The following ARID1A variants were observed in gnomAD, a reference collection of about 807,000 sequenced individuals.
The protein encoded by ARID1A is AT-rich interaction domain 1A, also known as AT-rich interactive domain-containing protein 1A.
Under a neutral mutation model 212.6 loss-of-function variants are expected in ARID1A, and 20 were observed. That is an observed-to-expected ratio of 0.09 (90% CI 0.07 to 0.14). The LOEUF (loss-of-function observed/expected upper bound fraction) is 0.14, where lower values mean the gene tolerates loss of function less well. Ranked by LOEUF, ARID1A falls within the 10% of genes least tolerant of loss-of-function variation. The pLI is 1.00. For missense variants in ARID1A, 2,587 were observed against 3,059.0 expected, an observed-to-expected ratio of 0.85 and a Z score of 3.64; for synonymous variants, 1,376 against 1,222.1, an observed-to-expected ratio of 1.13 and a Z score of -2.63.
chr1:26,760,117 T>C (rs1395013457), intron 4 of ARID1A, among the ~76,000 whole-genome samples: 2 of 152,238 alleles, frequency 1.3e-5, no homozygotes, highest in Admixed American at 1.3e-4. Context: ...TTGTAAAGTT[T>C]TGCTATTAGA....
Position 26,697,521 on chromosome 1 carries a change from C to G in ARID1A, c.1118C>G (p.Pro373Arg), listed in dbSNP as rs757699140. ...GGGAGCAGCGGCGGCGGGGGGCAGCCGCTCGCCCGGACCCCTCAGGTACAC... is the reference window on the plus strand; with the variant it reads ...GGGAGCAGCGGCGGCGGGGGGCAGCGGCTCGCCCGGACCCCTCAGGTACAC... Reference protein sequence around the residue: ...SPGSSGGGGQPLARTPQPSSP... With the variant: ...SPGSSGGGGQRLARTPQPSSP... The change falls in exon 1 of 20, where the codon CCG (proline) becomes CGG (arginine). Residue 373 changes from proline (P) to arginine (R), a missense_variant. By Grantham distance (103) the Pro-to-Arg change is moderately radical. This residue lies in a region of ARID1A where 735 missense variants were observed against 590.6 expected (regional missense o/e 1.24). Transcript: ENST00000324856. 7.1e-7 allele frequency: 1 copy of G among 1,400,156 alleles called. No homozygotes were observed. The highest frequency in any genetic ancestry group is 9.2e-7 in the Non-Finnish European group (1 of 1,084,802). The allele number at this position is 1,400,156 out of a possible 1,614,324, so 86.7% of individuals were successfully genotyped here. A position where few individuals can be genotyped will look rare whatever the true frequency, so the allele number is the denominator to read the frequency against.
rs1434029488 is a variant in ARID1A at position 26,782,052 on chromosome 1, T to C, written c.*1296T>C. 4.3e-6 allele frequency: 1 copy of C among 230,590 alleles called. No homozygotes were observed. The highest frequency in any genetic ancestry group is 6.2e-5 in the East Asian group (1 of 16,078). The allele number at this position is 230,590 out of a possible 1,614,324, so 14.3% of individuals were successfully genotyped here. Reference sequence around the variant, plus strand: ...AATATCATTTATTCAGTATGAAATCTTTATACTATATGTTCCACGTGTTAA... The same window carrying C: ...AATATCATTTATTCAGTATGAAATCCTTATACTATATGTTCCACGTGTTAA... On this transcript the variant is annotated 3_prime_UTR_variant, in exon 20 of 20. Transcript: ENST00000324856.
intron 3 of ARID1A, 32 bp from the exon 4 acceptor site, chr1:26,732,644 G>A (rs1248480698): frequency 1.3e-6 from 2 of 1,538,482 alleles, no homozygotes; most frequent in Admixed American, 3.3e-5. Context: ...ATCAATACCA[G>A]GCCATCACAG....
intron 1 of ARID1A, among the ~76,000 whole-genome samples, chr1:26,706,724 C>G (rs548654107): frequency 2.7e-4 from 41 of 152,296 alleles, no homozygotes; most frequent in Middle Eastern, 3.4e-3. Context: ...CCTTAGAGAA[C>G]AGGGCAGAAA....
At chr1:26,747,102 T>C (rs2080843175) in intron 4 of ARID1A, among the ~76,000 whole-genome samples, 1 of 152,076 alleles carries the variant, frequency 6.6e-6, no homozygotes, top group Non-Finnish European at 1.5e-5. Context: ...AGCGTAGAAT[T>C]AGCCCTATTG....
intron 4 of ARID1A, among the ~76,000 whole-genome samples, chr1:26,737,101 A>ACCT (rs1398372300): frequency 6.6e-5 from 10 of 151,468 alleles, no homozygotes; most frequent in Non-Finnish European, 2.9e-5. Flanking sequence ...AATGCCCTCT[A>ACCT]CCTGTGCTTG....
intron 1 of ARID1A, among the ~76,000 whole-genome samples, chr1:26,718,266 C>T (rs554422500): frequency 1.3e-4 from 20 of 152,186 alleles, no homozygotes; most frequent in African/African-American, 3.1e-4. Flanking sequence ...TGAGCCACCG[C>T]ACCCAGCCGT....
intron 4 of ARID1A, among the ~76,000 whole-genome samples, chr1:26,753,906 A>C (rs998110081): frequency 6.6e-6 from 1 of 152,158 alleles, no homozygotes; most frequent in Non-Finnish European, 1.5e-5. Flanking sequence ...TCCTGGATTC[A>C]TGCCATTCTC....
intron 1 of ARID1A, among the ~76,000 whole-genome samples, chr1:26,717,858 A>T (rs2080518105): frequency 6.6e-6 from 1 of 152,240 alleles, no homozygotes; most frequent in East Asian, 1.9e-4. Context: ...CTATACTAAT[A>T]TCTGGGTGAA....
rs139737956 is a variant in ARID1A at position 26,781,210 on chromosome 1, G to A, written c.*454G>A. ...AAAAATTCTGAAGGACAAAAAAGGT[G>A]ACTGCTGAACTGTGTGTGGTTTATT... is the stretch of plus-strand genomic sequence containing the variant. On this transcript the variant is annotated 3_prime_UTR_variant, in exon 20 of 20. Transcript: ENST00000324856. 2.5e-4 allele frequency: 60 copies of A among 239,640 alleles called. No individual in the cohort carries two copies. Among genetic ancestry groups the A allele is most frequent in the Non-Finnish European group, 3.9e-4 (48 of 122,398 alleles). 14.8% of individuals were successfully genotyped at this position (239,640 alleles called of 1,614,324 possible).
At position 26,721,481 on chromosome 1, in the gene ARID1A, C is replaced by T. The variant is rs932464506; in HGVS notation, c.1138-8170C>T. Among the ~76,000 whole-genome samples, 9 of 152,184 alleles carry T rather than the reference C, an allele frequency of 5.9e-5. No homozygotes were observed. In the East Asian group the frequency reaches 7.7e-4, roughly 13 times the overall value. On this transcript the variant is annotated intron_variant, in intron 1 of 19. Transcript: ENST00000324856. The stretch of plus-strand genomic sequence containing the variant: ...CCTCCCAAAGTGCTGGGATTACAGG[C>T]GTGAGCCACCGCGCCTGGCAACCCT...
At chr1:26,720,405 G>A (rs2080550283) in intron 1 of ARID1A, among the ~76,000 whole-genome samples, 1 of 151,882 alleles carries the variant, frequency 6.6e-6, no homozygotes, top group South Asian at 2.1e-4. Flanking sequence ...ACCGGGAGGT[G>A]GAGGTTGCAG....
chr1:26,697,663 C>T (rs2080287109), intron 1 of ARID1A, 123 bp downstream of exon 1: 1 of 974,848 alleles, frequency 1.0e-6, no homozygotes, highest in Non-Finnish European at 1.3e-6. Context: ...TGGGGAGCTG[C>T]CATTGTCTGG....
At chr1:26,733,257 C>CTTT (rs1266901782) in intron 4 of ARID1A, among the ~76,000 whole-genome samples, 13 of 147,186 alleles carry the variant, frequency 8.8e-5, no homozygotes, top group Admixed American at 2.0e-4. Context: ...TGTGTGAATA[C>CTTT]TTTTTTTTTT....
At chr1:26,752,789 C>T (rs2080896064) in intron 4 of ARID1A, among the ~76,000 whole-genome samples, 1 of 152,116 alleles carries the variant, frequency 6.6e-6, no homozygotes, top group African/African-American at 2.4e-5. Flanking sequence ...CAAGTATTGT[C>T]ATTTAAGTGG....
Position 26,771,099 on chromosome 1 carries a change from C to A in ARID1A, c.3199-20C>A. The A allele has an allele frequency of 6.2e-7, 1 of 1,613,588 alleles. No individual in the cohort carries two copies. The highest frequency in any genetic ancestry group is 8.5e-7 in the Non-Finnish European group (1 of 1,179,500). ...ACCAGGCGGGAGATATACCTCGACT[C>A]CTTTGGTTTGGTTATACAGGTCAAC... On this transcript the variant is annotated intron_variant, in intron 11 of 19. Coordinates refer to ENST00000324856, the MANE Select transcript of ARID1A (RefSeq NM_006015.6). The surrounding 1 kb of genome is among the most constrained non-coding windows in gnomAD (Gnocchi z 5.4).
In ARID1A at chr1:26,705,438, C is replaced by A. The variant is rs1237190367; in HGVS notation, c.1137+7898C>A. Among the ~76,000 whole-genome samples, 5 of 145,454 alleles carry A rather than the reference C, an allele frequency of 3.4e-5. No homozygotes were observed. The East Asian group carries it at 9.8e-4, about 28-fold the overall frequency. On this transcript the variant is annotated intron_variant, in intron 1 of 19. Coordinates refer to ENST00000324856, the MANE Select transcript of ARID1A (RefSeq NM_006015.6). ...TACAGGTGTGAGCCACCACGCCCAG[C>A]CTTTTTTTTTTTTCCCCCCCCCTCA... is the stretch of plus-strand genomic sequence containing the variant.
chr1:26,777,925 G>A (rs912709722), intron 19 of ARID1A, among the ~76,000 whole-genome samples: 8 of 151,966 alleles, frequency 5.3e-5, no homozygotes, highest in African/African-American at 1.2e-4. Context: ...AAAATTAGCC[G>A]GGCCTGGTGG....
chr1:26,735,901 C>T (rs2080724610), intron 4 of ARID1A, among the ~76,000 whole-genome samples: 1 of 152,180 alleles, frequency 6.6e-6, no homozygotes, highest in Non-Finnish European at 1.5e-5. Context: ...CCCTCAACTC[C>T]TCCTGTTCAT....
Sources: allele counts gnomAD v4.1 joint callset (sites outside exome capture counted in the v4.1 genomes callset), GRCh38; gene constraint gnomAD v4.1.1; regional missense constraint gnomAD v4.1.1; non-coding constraint Gnocchi (gnomAD v3.1); transcripts MANE v1.5; gene names NCBI Gene and HGNC (gene_info 2026-07-23, HGNC 2026-07-21).